The following KCND3 variants were observed in gnomAD, a reference collection of about 807,000 sequenced individuals.
KCND3 encodes potassium voltage-gated channel subfamily D member 3, also known as A-type voltage-gated potassium channel KCND3.
A neutral mutation model predicts 51.1 loss-of-function variants in KCND3; 9 were observed. That is an observed-to-expected ratio of 0.18 (90% CI 0.11 to 0.31). KCND3 has a LOEUF of 0.31. KCND3 is among the 10% of genes least tolerant of loss of function. The pLI is 1.00. For missense variants in KCND3, 526 were observed against 903.8 expected (o/e 0.58, Z 5.36); for synonymous variants, 349 against 368.0 (o/e 0.95, Z 0.59).
intron 2 of KCND3, among the ~76,000 whole-genome samples, chr1:111,799,210 C>G (rs1330279972): frequency 1.5e-4 from 1 of 6,582 alleles, no homozygotes; most frequent in Non-Finnish European, 2.1e-4. Flanking sequence ...TAAAATAAAT[C>G]ATAAAAAGCA....
At chr1:111,936,313 A>G (rs971813879) in intron 2 of KCND3, among the ~76,000 whole-genome samples, 6 of 152,100 alleles carry the variant, frequency 3.9e-5, no homozygotes, top group African/African-American at 9.7e-5. Flanking sequence ...CTCCCCAGGG[A>G]GGAATAAGGG....
At chr1:111,868,065 A>G (rs1195157519) in intron 2 of KCND3, among the ~76,000 whole-genome samples, 2 of 152,242 alleles carry the variant, frequency 1.3e-5, no homozygotes, top group Non-Finnish European at 2.9e-5. Flanking sequence ...ACTAAACATA[A>G]TAAGTGGTTG....
intron 2 of KCND3, among the ~76,000 whole-genome samples, chr1:111,903,996 C>A (rs1037047169): frequency 5.9e-5 from 9 of 152,176 alleles, no homozygotes; most frequent in South Asian, 2.1e-4. Flanking sequence ...GAAGGACAAG[C>A]AATTACCTGG....
chr1:111,877,966 T>C (rs1199353574), intron 2 of KCND3, among the ~76,000 whole-genome samples: 1 of 152,244 alleles, frequency 6.6e-6, no homozygotes, highest in Non-Finnish European at 1.5e-5. Flanking sequence ...TTAACTCATC[T>C]AATCATCACA....
intron 2 of KCND3, among the ~76,000 whole-genome samples, chr1:111,824,746 C>T (rs1666500111): frequency 6.6e-6 from 1 of 152,166 alleles, no homozygotes; most frequent in Non-Finnish European, 1.5e-5. Context: ...ACATGAGATG[C>T]CAGACCCCTC....
intron 2 of KCND3, among the ~76,000 whole-genome samples, chr1:111,958,756 T>C (rs1291822122): frequency 6.6e-6 from 1 of 152,104 alleles, no homozygotes; most frequent in Non-Finnish European, 1.5e-5. Flanking sequence ...CTATAGCCCT[T>C]TGATCTCCAC....
chr1:111,848,205 G>C (rs376362583), intron 2 of KCND3, among the ~76,000 whole-genome samples: 1 of 152,206 alleles, frequency 6.6e-6, no homozygotes, highest in Non-Finnish European at 1.5e-5. Flanking sequence ...GTGCAGTCAC[G>C]GGGAAGGGAG....
At chr1:111,874,316 C>G (rs1181081476) in intron 2 of KCND3, among the ~76,000 whole-genome samples, 1 of 152,204 alleles carries the variant, frequency 6.6e-6, no homozygotes, top group Admixed American at 6.5e-5. Flanking sequence ...GCTGTTTTAA[C>G]AAACATCTGA....
intron 2 of KCND3, 134 bp from the exon 3 acceptor site, chr1:111,787,240 G>GTACCTGGCACATA: frequency 1.1e-6 from 1 of 943,840 alleles, no homozygotes; most frequent in Non-Finnish European, 1.7e-6. Flanking sequence ...CTATGTGCCA[G>GTACCTGGCACATA]GTACTGTGAC....
intron 2 of KCND3, among the ~76,000 whole-genome samples, chr1:111,837,286 C>T (rs1440835257): frequency 6.6e-6 from 1 of 152,060 alleles, no homozygotes; most frequent in Non-Finnish European, 1.5e-5. Flanking sequence ...CATCATGAGC[C>T]CCTCAACATT....
At chr1:111,955,281 G>A (rs1673271096) in intron 2 of KCND3, among the ~76,000 whole-genome samples, 1 of 152,018 alleles carries the variant, frequency 6.6e-6, no homozygotes, top group Admixed American at 6.6e-5. Context: ...AGGTGTGGTG[G>A]CACATGCCTG....
intron 2 of KCND3, among the ~76,000 whole-genome samples, chr1:111,978,419 G>A (rs1674762783): frequency 1.3e-5 from 2 of 152,216 alleles, no homozygotes; most frequent in South Asian, 2.1e-4. Context: ...CTGAATGATG[G>A]CAAGATATTG....
intron 2 of KCND3, among the ~76,000 whole-genome samples, chr1:111,874,769 G>A (rs533197455): frequency 6.6e-6 from 1 of 152,250 alleles, no homozygotes; most frequent in South Asian, 2.1e-4. Flanking sequence ...CTTCTGCTGA[G>A]TACACAGCTC....
At chr1:111,878,725 G>A (rs1186122120) in intron 2 of KCND3, among the ~76,000 whole-genome samples, 1 of 152,188 alleles carries the variant, frequency 6.6e-6, no homozygotes, top group Non-Finnish European at 1.5e-5. Flanking sequence ...CAGTTGAGGG[G>A]TAAGGGGTAG....
At chr1:111,904,454 C>T (rs943534289) in intron 2 of KCND3, among the ~76,000 whole-genome samples, 1 of 152,196 alleles carries the variant, frequency 6.6e-6, no homozygotes, top group Admixed American at 6.5e-5. Flanking sequence ...TTCCCTCTTG[C>T]TTTACTTTTT....
rs150369150 is a variant in KCND3 at position 111,928,558 on chromosome 1, C to T, written c.1106+53063G>A. On this transcript the variant is annotated intron_variant, in intron 2 of 7. Coordinates refer to ENST00000302127, the MANE Select transcript of KCND3 (RefSeq NM_001378969.1). ...ATTGGTGTGGAGACAAATTCACCCC[C>T]GACTGCATTTGCATATGTTGAGGTT... Among the ~76,000 whole-genome samples the T allele has an allele frequency of 3.3e-5, 5 of 152,332 alleles. No individual in the cohort carries two copies. In the East Asian group the frequency reaches 7.7e-4, roughly 23 times the overall value.
chr1:111,940,440 C>A (rs1025269637), intron 2 of KCND3, among the ~76,000 whole-genome samples: 3 of 152,168 alleles, frequency 2.0e-5, no homozygotes, highest in Non-Finnish European at 4.4e-5. Flanking sequence ...CAGTTTTCTG[C>A]ATATGGCTAG....
At chr1:111,908,951 CTT>C (rs34151345) in intron 2 of KCND3, among the ~76,000 whole-genome samples, 12 of 131,294 alleles carry the variant, frequency 9.1e-5, no homozygotes, top group Non-Finnish European at 9.5e-5. Context: ...GGTCTCATGC[CTT>C]TTTTTTTTTT....
At chr1:111,809,110 TG>T (rs764953263) in intron 2 of KCND3, among the ~76,000 whole-genome samples, 1 of 152,174 alleles carries the variant, frequency 6.6e-6, no homozygotes, top group Non-Finnish European at 1.5e-5. Flanking sequence ...GCCTGGCTGC[TG>T]GGCTGTGTTG....
Sources: allele counts gnomAD v4.1 joint callset (sites outside exome capture counted in the v4.1 genomes callset), GRCh38; gene constraint gnomAD v4.1.1; transcripts MANE v1.5; gene names NCBI Gene and HGNC (gene_info 2026-07-23, HGNC 2026-07-21).